The following GNG7 variants were observed in gnomAD, a reference collection of about 807,000 sequenced individuals.
The protein encoded by GNG7 is guanine nucleotide-binding protein G(I)/G(S)/G(O) subunit gamma-7.
A neutral mutation model predicts 4.0 loss-of-function variants in GNG7; 1 was observed. That is an observed-to-expected ratio of 0.25 (90% CI 0.09 to 1.18). GNG7 has a LOEUF of 1.18. Among genes scored for constraint, GNG7 ranks in the 50% most tolerant of loss-of-function variants. The probability of loss-of-function intolerance (pLI) is 0.50; values close to 1 mark genes in which losing one functional copy is unlikely to be tolerated. For missense variants in GNG7, 86 were observed against 91.9 expected (o/e 0.94, Z 0.26); for synonymous variants, 34 against 36.9 (o/e 0.92, Z 0.29).
chr19:2,628,662 C>T (rs1231765861), intron 2 of GNG7, among the ~76,000 whole-genome samples: 1 of 149,916 alleles, frequency 6.7e-6, no homozygotes, highest in Non-Finnish European at 1.5e-5. Context: ...ACTGTATCCA[C>T]TGAACAACAG....
chr19:2,633,760 G>A lies in GNG7; in HGVS notation c.-78+12464C>T, dbSNP rs1800716686. Among the ~76,000 whole-genome samples the A allele has an allele frequency of 1.3e-5, 2 of 152,104 alleles. No homozygotes were observed. The highest frequency in any genetic ancestry group is 2.9e-5 in the Non-Finnish European group (2 of 68,020). ...TCTGTCCAGAAGAGGACAGAAGCCT[G>A]CTCTCAACTCACCCGGGAGGCAGGT... On this transcript the variant is annotated intron_variant, in intron 2 of 4. Coordinates refer to ENST00000382159, the MANE Select transcript of GNG7 (RefSeq NM_052847.3). This position sits in a 1 kb window ranked among gnomAD's most constrained non-coding sequence, Gnocchi z 5.9.
At chr19:2,685,792 G>A (rs540286332) in intron 1 of GNG7, among the ~76,000 whole-genome samples, 2 of 152,272 alleles carry the variant, frequency 1.3e-5, no homozygotes, top group East Asian at 3.9e-4. Flanking sequence ...CGAGACGAGG[G>A]CCTGGTGGGC....
At chr19:2,528,618 AT>A (rs1177375646) in intron 3 of GNG7, among the ~76,000 whole-genome samples, 3 of 152,136 alleles carry the variant, frequency 2.0e-5, no homozygotes, top group Non-Finnish European at 4.4e-5. Flanking sequence ...CTTCCCCCAG[AT>A]GTGAGCCCCG....
intron 3 of GNG7, among the ~76,000 whole-genome samples, chr19:2,541,196 T>C (rs535556576): frequency 6.6e-6 from 1 of 152,080 alleles, no homozygotes; most frequent in Non-Finnish European, 1.5e-5. Context: ...TCAGGTTGGG[T>C]GCGGTGGCTC....
intron 3 of GNG7, among the ~76,000 whole-genome samples, chr19:2,523,592 C>T (rs891288331): frequency 3.3e-5 from 5 of 152,166 alleles, no homozygotes; most frequent in African/African-American, 9.6e-5. Context: ...AATCCACAAG[C>T]CTACATGAGT....
At chr19:2,624,137 T>A (rs1467710465) in intron 2 of GNG7, among the ~76,000 whole-genome samples, 1 of 152,018 alleles carries the variant, frequency 6.6e-6, no homozygotes, top group Admixed American at 6.6e-5. Context: ...TGGTGATGGG[T>A]GCAGCACCAT....
Position 2,557,034 on chromosome 19 carries a change from GACAC to G in GNG7, c.-77-1850_-77-1847del, listed in dbSNP as rs1979568589. Among the ~76,000 whole-genome samples, 1 of 144,620 alleles carries G rather than the reference GACAC, an allele frequency of 6.9e-6. No homozygotes were observed. The highest frequency in any genetic ancestry group is 2.2e-4 in the South Asian group (1 of 4,508). The allele number at this position is 144,620 out of a possible 152,430, so 94.9% of individuals were successfully genotyped here. A position where few individuals can be genotyped will look rare whatever the true frequency, so the allele number is the denominator to read the frequency against. ...CTCTACACACACACACGCACACACA[GACAC>G]ACGCACACTCACACACATATGCACG... On this transcript the variant is annotated intron_variant, in intron 2 of 4. Coordinates refer to ENST00000382159, the MANE Select transcript of GNG7 (RefSeq NM_052847.3). The surrounding 1 kb of genome is among the most constrained non-coding windows in gnomAD (Gnocchi z 5.1).
chr19:2,606,315 T>C (rs1042439590), intron 2 of GNG7, among the ~76,000 whole-genome samples: 5 of 152,004 alleles, frequency 3.3e-5, no homozygotes, highest in Admixed American at 2.0e-4. Context: ...GAGGCTACAG[T>C]GAGCCGAGAT....
At chr19:2,675,365 C>T (rs1983568481) in intron 1 of GNG7, among the ~76,000 whole-genome samples, 1 of 152,172 alleles carries the variant, frequency 6.6e-6, no homozygotes, top group African/African-American at 2.4e-5. Flanking sequence ...AAGGGGACAC[C>T]AGGAAGGGAC....
intron 1 of GNG7, among the ~76,000 whole-genome samples, chr19:2,688,533 C>T (rs79309113): frequency 0.023 from 3,566 of 152,192 alleles, 66 homozygotes; most frequent in Non-Finnish European, 0.035. Flanking sequence ...GGTCTGATCA[C>T]GAGAGAAATA....
chr19:2,531,494 C>A (rs989645293), intron 3 of GNG7, among the ~76,000 whole-genome samples: 3 of 151,966 alleles, frequency 2.0e-5, no homozygotes, highest in Non-Finnish European at 4.4e-5. Context: ...TAATACGATC[C>A]CAGGCCTCAG....
At chr19:2,521,735 T>C (rs1225744622) in intron 3 of GNG7, among the ~76,000 whole-genome samples, 1 of 149,722 alleles carries the variant, frequency 6.7e-6, no homozygotes, top group Non-Finnish European at 1.5e-5. Flanking sequence ...TGCCTCAGCC[T>C]CCCGAGTAGC....
intron 3 of GNG7, among the ~76,000 whole-genome samples, chr19:2,545,865 G>T (rs1979107048): frequency 6.6e-6 from 1 of 152,076 alleles, no homozygotes; most frequent in South Asian, 2.1e-4. Context: ...TGAGGCAGGA[G>T]AATTGCTTGA....
chr19:2,657,347 AAAAAAAAAAAAAAAATATATAT>A (rs1357436562), intron 1 of GNG7, among the ~76,000 whole-genome samples: 6 of 18,710 alleles, frequency 3.2e-4, no homozygotes, highest in South Asian at 1.8e-3. Flanking sequence ...TAAAAAAAAA[AAAAAAAAAAAAAAAATATATAT>A]ATATATATAT....
At chr19:2,531,652 T>G (rs1978590777) in intron 3 of GNG7, among the ~76,000 whole-genome samples, 1 of 149,996 alleles carries the variant, frequency 6.7e-6, no homozygotes, top group Non-Finnish European at 1.5e-5. Flanking sequence ...GCACCTGTAG[T>G]CCCAGCTACT....
chr19:2,609,832 T>C lies in GNG7; in HGVS notation c.-78+36392A>G, dbSNP rs369050932. ...GGGACCTGGGGGTGCCTCTGGGCCA[T>C]TGGGGGACCCTCGGTGAGCCAGTGA... On this transcript the variant is annotated intron_variant, in intron 2 of 4. Coordinates refer to ENST00000382159, the MANE Select transcript of GNG7 (RefSeq NM_052847.3). The surrounding 1 kb of genome is among the most constrained non-coding windows in gnomAD (Gnocchi z 4.4). Among the ~76,000 whole-genome samples the C allele has an allele frequency of 1.5e-4, 23 of 151,888 alleles. No individual in the cohort carries two copies. Among genetic ancestry groups the C allele is most frequent in the East Asian group, 1.4e-3 (7 of 5,184 alleles).
At chr19:2,583,642 T>C (rs1980564310) in intron 2 of GNG7, among the ~76,000 whole-genome samples, 1 of 152,202 alleles carries the variant, frequency 6.6e-6, no homozygotes, top group Non-Finnish European at 1.5e-5. Flanking sequence ...CAGAGGTGCA[T>C]ATGCAAGCAC....
intron 2 of GNG7, among the ~76,000 whole-genome samples, chr19:2,580,286 ATTTT>A (rs5826774): frequency 7.5e-6 from 1 of 133,608 alleles, no homozygotes. Flanking sequence ...GTCTGGTTCT[ATTTT>A]TTTTTTTTTT....
At chr19:2,629,213 G>T (rs903691429) in intron 2 of GNG7, among the ~76,000 whole-genome samples, 1 of 152,196 alleles carries the variant, frequency 6.6e-6, no homozygotes, top group Admixed American at 6.5e-5. Flanking sequence ...TCTCTCTGAA[G>T]GTTGAGCAAA....
Sources: allele counts gnomAD v4.1 joint callset (sites outside exome capture counted in the v4.1 genomes callset), GRCh38; gene constraint gnomAD v4.1.1; non-coding constraint Gnocchi (gnomAD v3.1); transcripts MANE v1.5; gene names NCBI Gene and HGNC (gene_info 2026-07-23, HGNC 2026-07-21).